Variants in PHEX observed in about 807,000 individuals in gnomAD.
PHEX encodes phosphate regulating endopeptidase X-linked, also known as phosphate-regulating neutral endopeptidase PHEX.
Under a neutral mutation model 68.0 loss-of-function variants are expected in PHEX, and 16 were observed. That is an observed-to-expected ratio of 0.24 (90% confidence interval 0.16 to 0.36). The LOEUF (loss-of-function observed/expected upper bound fraction) is 0.36. Ranked by LOEUF, PHEX falls within the 10% of genes least tolerant of loss-of-function variation. The probability of loss-of-function intolerance (pLI) is 1.00; values close to 1 mark genes in which losing one functional copy is unlikely to be tolerated. For missense variants in PHEX, 480 were observed against 575.5 expected, an observed-to-expected ratio of 0.83 and a Z score of 1.70; for synonymous variants, 208 against 205.1, an observed-to-expected ratio of 1.01 and a Z score of -0.12.
chrX:22,188,621 C>T (rs5904616), intron 14 of PHEX, among the ~76,000 whole-genome samples: 50,228 of 110,822 alleles, frequency 0.45, 8,609 homozygotes, highest in Non-Finnish European at 0.55. Flanking sequence ...ATTAAAATAA[C>T]TTTTGTTGGT....
At chrX:22,202,545 C>T (rs1934589663) in intron 15 of PHEX, among the ~76,000 whole-genome samples, 1 of 112,124 alleles carries the variant, frequency 8.9e-6, no homozygotes, top group Non-Finnish European at 1.9e-5. Flanking sequence ...CTTAAAGATA[C>T]TGTTGGAGGA....
rs189050355 is a variant in PHEX at position 22,128,358 on chromosome X, C to T, written c.1303-5165C>T. Among the ~76,000 whole-genome samples the T allele has an allele frequency of 2.1e-3, 235 of 110,731 alleles. 2 individuals carry two copies. Among genetic ancestry groups the T allele is most frequent in the Middle Eastern group, 9.2e-3 (2 of 218 alleles). On this transcript the variant is annotated intron_variant, in intron 11 of 21. Transcript: ENST00000379374. ...GATTACAGGCGTGAGCCACTGCACC[C>T]GCCCTGAAAACCTTTTCAAAATGCA... is the stretch of plus-strand genomic sequence containing the variant.
At chrX:22,061,229 C>T (rs769477277) in intron 3 of PHEX, among the ~76,000 whole-genome samples, 66 of 112,032 alleles carry the variant, frequency 5.9e-4, no homozygotes, top group African/African-American at 1.9e-3. Flanking sequence ...AATTGGTCAA[C>T]GGCAGAATGG....
At chrX:22,190,209 C>T (rs911129370) in intron 14 of PHEX, among the ~76,000 whole-genome samples, 1 of 111,958 alleles carries the variant, frequency 8.9e-6, no homozygotes, top group Admixed American at 9.5e-5. Flanking sequence ...AAGTTAGTAA[C>T]AATAAATAAC....
intron 20 of PHEX, among the ~76,000 whole-genome samples, chrX:22,229,262 T>C (rs1443736752): frequency 8.9e-6 from 1 of 111,912 alleles, no homozygotes; most frequent in Non-Finnish European, 1.9e-5. Context: ...TACCCAGTAA[T>C]GGGATGGCTG....
At chrX:22,179,674 C>T (rs1427791136) in intron 14 of PHEX, among the ~76,000 whole-genome samples, 4 of 112,012 alleles carry the variant, frequency 3.6e-5, no homozygotes, top group African/African-American at 1.3e-4. Context: ...TTATGGCTGA[C>T]AACTTCGGAA....
chrX:22,239,124 C>T (rs1936091857), intron 20 of PHEX, among the ~76,000 whole-genome samples: 1 of 111,881 alleles, frequency 8.9e-6, no homozygotes, highest in Non-Finnish European at 1.9e-5. Context: ...CTCCAGCAGA[C>T]CTACAGCAGA....
chrX:22,157,322 T>C (rs1352495588), intron 12 of PHEX, among the ~76,000 whole-genome samples: 1 of 112,236 alleles, frequency 8.9e-6, no homozygotes, highest in Non-Finnish European at 1.9e-5. Context: ...TGAAACCCTG[T>C]CTATATTAAA....
At chrX:22,231,237 T>TTTG (rs1452836512) in intron 20 of PHEX, among the ~76,000 whole-genome samples, 1 of 112,226 alleles carries the variant, frequency 8.9e-6, no homozygotes, top group East Asian at 2.8e-4. Flanking sequence ...TTTCTTTTTT[T>TTTG]TTGTTGTGTC....
At position 22,235,247 on chromosome X, in the gene PHEX, GGCATTGATTTC is replaced by G. The variant is rs755013860; in HGVS notation, c.2070+7639_2070+7649del. On this transcript the variant is annotated intron_variant, in intron 20 of 21. Transcript: ENST00000379374. ...ACCCACTTACTTTCTGCATTGATTT[GGCATTGATTTC>G]GCTGGGAGCTGCAGTCCAGTGCTGT... Among the ~76,000 whole-genome samples, 9 of 111,946 alleles carry G rather than the reference GGCATTGATTTC, an allele frequency of 8.0e-5. No individual in the cohort carries two copies. In the South Asian group the frequency reaches 2.3e-3, roughly 28 times the overall value.
chrX:22,033,884 C>G (rs1452311427), intron 1 of PHEX, among the ~76,000 whole-genome samples: 3 of 111,887 alleles, frequency 2.7e-5, no homozygotes, highest in African/African-American at 9.7e-5. Flanking sequence ...TTTAATTTTT[C>G]TCATACAACC....
intron 20 of PHEX, among the ~76,000 whole-genome samples, chrX:22,241,821 G>C (rs919540119): frequency 1.8e-5 from 2 of 111,921 alleles, no homozygotes; most frequent in Non-Finnish European, 3.8e-5. Flanking sequence ...GGACCAGACA[G>C]GTTCACAGCC....
intron 3 of PHEX, among the ~76,000 whole-genome samples, chrX:22,071,075 T>C (rs758186466): frequency 1.3e-4 from 14 of 111,851 alleles, no homozygotes; most frequent in East Asian, 8.4e-4. Context: ...GAATTTCCTT[T>C]TTGTATTCTA....
chrX:22,245,549 C>A, intron 21 of PHEX, 140 bp downstream of exon 21: 1 of 521,297 alleles, frequency 1.9e-6, no homozygotes, highest in Non-Finnish European at 3.5e-6. Context: ...CATTTTGCAG[C>A]CAAAAAATAT....
At chrX:22,079,604 A>T (rs937772163) in intron 5 of PHEX, among the ~76,000 whole-genome samples, 3 of 111,527 alleles carry the variant, frequency 2.7e-5, no homozygotes, top group Admixed American at 1.9e-4. Context: ...GTCCTTAAAA[A>T]AAAAAACAGT....
intron 20 of PHEX, among the ~76,000 whole-genome samples, chrX:22,244,489 G>C (rs5951737): frequency 0.096 from 10,526 of 110,178 alleles, 538 homozygotes; most frequent in East Asian, 0.2. Flanking sequence ...GTAATCCCAG[G>C]TACTTGGGAG....
At chrX:22,122,764 T>C (rs1396473784) in intron 11 of PHEX, among the ~76,000 whole-genome samples, 1 of 110,785 alleles carries the variant, frequency 9.0e-6, no homozygotes, top group African/African-American at 3.3e-5. Flanking sequence ...GCAGAGGTGA[T>C]TGGAATGACT....
chrX:22,201,603 G>A (rs1934560397), intron 15 of PHEX, among the ~76,000 whole-genome samples: 1 of 111,595 alleles, frequency 9.0e-6, no homozygotes, highest in East Asian at 2.8e-4. Flanking sequence ...GGTGTTCTGG[G>A]TAGTATCCTG....
intron 3 of PHEX, among the ~76,000 whole-genome samples, chrX:22,071,153 A>C (rs1262351889): frequency 9.0e-6 from 1 of 111,596 alleles, no homozygotes; most frequent in Non-Finnish European, 1.9e-5. Flanking sequence ...GTCCTCTCTC[A>C]GCTTCCGAGC....
Sources: allele counts gnomAD v4.1 joint callset (sites outside exome capture counted in the v4.1 genomes callset), GRCh38; gene constraint gnomAD v4.1.1; transcripts MANE v1.5; gene names NCBI Gene and HGNC (gene_info 2026-07-23, HGNC 2026-07-21).